FLT1: variants seen among roughly 807,000 people sequenced by gnomAD.
FLT1 encodes the protein fms related receptor tyrosine kinase 1, also known as vascular endothelial growth factor receptor 1.
Under a neutral mutation model 156.3 loss-of-function variants are expected in FLT1, and 49 were observed. That is an observed-to-expected ratio of 0.31 (90% confidence interval 0.25 to 0.40). FLT1 has a LOEUF of 0.40. FLT1 is among the 10% of genes least tolerant of loss of function. The probability of loss-of-function intolerance (pLI) is 1.00; values close to 1 mark genes in which losing one functional copy is unlikely to be tolerated. For missense variants in FLT1, 1,322 were observed against 1,637.2 expected (o/e 0.81, Z 3.32); for synonymous variants, 594 against 583.8 (o/e 1.02, Z -0.25).
intron 18 of FLT1, 55 bp from the exon 19 acceptor site, chr13:28,329,783 C>CTCCGGCGGAA: frequency 2.1e-6 from 3 of 1,434,618 alleles, no homozygotes; most frequent in Non-Finnish European, 2.9e-6. Flanking sequence ...CTCCTTCCGC[C>CTCCGGCGGAA]GGAGGCGGCA....
At chr13:28,458,730 A>T (rs1879404202) in intron 3 of FLT1, among the ~76,000 whole-genome samples, 1 of 152,246 alleles carries the variant, frequency 6.6e-6, no homozygotes, top group Non-Finnish European at 1.5e-5. Context: ...GCTTAAAGAT[A>T]TCAAGAATGT....
intron 14 of FLT1, among the ~76,000 whole-genome samples, chr13:28,369,417 C>T (rs1873450153): frequency 6.6e-6 from 1 of 151,956 alleles, no homozygotes; most frequent in Non-Finnish European, 1.5e-5. Flanking sequence ...CCCAGCTACT[C>T]ACGAGGCTGA....
Position 28,300,519 on chromosome 13 carries a change from A to ACCCACACACC in FLT1, c.*2647_*2648insGGTGTGTGGG, listed in dbSNP as rs1870462815. ...ATAGTTATGCACAAAACACACATAC[A>ACCCACACACC]CCCACACACACACACACACACACAC... On this transcript the variant is annotated 3_prime_UTR_variant, in exon 30 of 30. Transcript: ENST00000282397. 1 of 131,180 alleles carries ACCCACACACC rather than the reference A, an allele frequency of 7.6e-6. No individual in the cohort carries two copies. Among genetic ancestry groups the ACCCACACACC allele is most frequent in the African/African-American group, 4.9e-5 (1 of 20,360 alleles). The allele number at this position is 131,180 out of a possible 1,614,324, so 8.1% of individuals were successfully genotyped here.
rs1336492136 is a variant in FLT1 at position 28,303,332 on chromosome 13, C to CA, written c.3851dup (p.Ser1285ValfsTer2). ...AGAAACTGGGCCTGCTGACATCAGACAGCCCCGACTCCTTACTTTTACTGG... is the reference window on the plus strand; with the variant it reads ...AGAAACTGGGCCTGCTGACATCAGACAAGCCCCGACTCCTTACTTTTACTGG... On this transcript the variant is annotated frameshift_variant, in exon 30 of 30. Coordinates refer to ENST00000282397, the MANE Select transcript of FLT1 (RefSeq NM_002019.4). LOFTEE classifies it high-confidence loss of function. The CA allele has an allele frequency of 6.2e-7, 1 of 1,614,020 alleles. No homozygotes were observed. Among genetic ancestry groups the CA allele is most frequent in the Admixed American group, 1.7e-5 (1 of 60,004 alleles).
At chr13:28,491,563 C>G (rs1017134781) in intron 1 of FLT1, among the ~76,000 whole-genome samples, 2 of 152,198 alleles carry the variant, frequency 1.3e-5, no homozygotes, top group Non-Finnish European at 2.9e-5. Context: ...TCTTCCAAAA[C>G]AGCCTATTCA....
At chr13:28,303,664 G>A (rs1294494322) in intron 29 of FLT1, among the ~76,000 whole-genome samples, 15 of 151,980 alleles carry the variant, frequency 9.9e-5, no homozygotes, top group Non-Finnish European at 1.5e-5. Context: ...CCAAGACTTG[G>A]GTGCAGCCCT....
intron 10 of FLT1, among the ~76,000 whole-genome samples, chr13:28,414,240 ACTT>A (rs1487554295): frequency 9.2e-5 from 14 of 152,220 alleles, no homozygotes; most frequent in Admixed American, 4.6e-4. Flanking sequence ...TGTTTGTTTC[ACTT>A]CTTCTCGCTC....
chr13:28,474,521 C>CACAA (rs1408985452), intron 1 of FLT1, among the ~76,000 whole-genome samples: 2 of 149,546 alleles, frequency 1.3e-5, no homozygotes, highest in Admixed American at 1.3e-4. Flanking sequence ...CACACACACA[C>CACAA]ACAAACCCCA....
chr13:28,376,232 CACTT>C (rs1338096221), intron 14 of FLT1, among the ~76,000 whole-genome samples: 1 of 152,162 alleles, frequency 6.6e-6, no homozygotes, highest in East Asian at 1.9e-4. Flanking sequence ...GTTAGATAAA[CACTT>C]AGTCCTAGTG....
intron 16 of FLT1, among the ~76,000 whole-genome samples, chr13:28,343,350 G>A (rs1043120769): frequency 1.3e-5 from 2 of 151,658 alleles, no homozygotes; most frequent in Admixed American, 6.6e-5. Context: ...GCCCAGACAG[G>A]AGTGCAATGG....
intron 12 of FLT1, among the ~76,000 whole-genome samples, chr13:28,391,369 C>T (rs763240889): frequency 3.3e-5 from 5 of 152,184 alleles, no homozygotes; most frequent in Non-Finnish European, 5.9e-5. Flanking sequence ...TCTTCAAAGT[C>T]ATCCCTCTGC....
intron 10 of FLT1, among the ~76,000 whole-genome samples, 155 bp downstream of exon 10, chr13:28,427,004 T>C (rs529489387): frequency 6.6e-6 from 1 of 152,136 alleles, no homozygotes; most frequent in Non-Finnish European, 1.5e-5. Flanking sequence ...GAAAGAAGAG[T>C]AGCTGTTGCC....
intron 25 of FLT1, among the ~76,000 whole-genome samples, chr13:28,316,121 C>G (rs1319171275): frequency 6.6e-6 from 1 of 152,232 alleles, no homozygotes; most frequent in African/African-American, 2.4e-5. Context: ...ACACCACGCA[C>G]CAGTGACAAG....
intron 10 of FLT1, among the ~76,000 whole-genome samples, chr13:28,407,259 T>C (rs1875867127): frequency 6.6e-6 from 1 of 152,186 alleles, no homozygotes; most frequent in South Asian, 2.1e-4. Context: ...TAATTGTTTA[T>C]TATTATCAAA....
At chr13:28,454,961 T>C (rs1279858204) in intron 3 of FLT1, among the ~76,000 whole-genome samples, 2 of 152,118 alleles carry the variant, frequency 1.3e-5, no homozygotes, top group African/African-American at 4.8e-5. Flanking sequence ...TAAGAATCTA[T>C]ATGTATGAGG....
intron 15 of FLT1, among the ~76,000 whole-genome samples, chr13:28,352,799 C>A (rs953459882): frequency 2.6e-5 from 4 of 152,200 alleles, no homozygotes; most frequent in African/African-American, 9.7e-5. Flanking sequence ...CACATCCTTT[C>A]TCAGTGCCAG....
At chr13:28,337,260 C>T (rs796087404) in intron 17 of FLT1, among the ~76,000 whole-genome samples, 5 of 152,022 alleles carry the variant, frequency 3.3e-5, no homozygotes, top group African/African-American at 1.2e-4. Flanking sequence ...CTATAAATTC[C>T]AATCCCACTC....
intron 3 of FLT1, among the ~76,000 whole-genome samples, chr13:28,448,691 T>C (rs1173756891): frequency 2.0e-5 from 3 of 152,212 alleles, no homozygotes; most frequent in African/African-American, 7.2e-5. Context: ...TGGTTGCATA[T>C]ATCTGTCAAT....
chr13:28,350,125 C>T (rs1460783872), intron 15 of FLT1, among the ~76,000 whole-genome samples: 2 of 152,150 alleles, frequency 1.3e-5, no homozygotes, highest in Non-Finnish European at 1.5e-5. Flanking sequence ...CCCAGCAGCA[C>T]ACAGGAGTGG....
Sources: gnomAD v4.1 joint callset for allele counts (sites outside exome capture counted in the v4.1 genomes callset) on GRCh38, gnomAD v4.1.1 for gene constraint, MANE v1.5 for transcripts, NCBI Gene and HGNC (gene_info 2026-07-23, HGNC 2026-07-21) for gene names.